The following NLGN1 variants were observed in gnomAD, a reference collection of about 807,000 sequenced individuals.
NLGN1 encodes the protein neuroligin 1.
In NLGN1, 12 loss-of-function variants were observed where a neutral mutation model predicts 65.5. That is an observed-to-expected ratio of 0.18 (90% confidence interval 0.12 to 0.30). The LOEUF is 0.30. Ranked by LOEUF, NLGN1 falls within the 10% of genes least tolerant of loss-of-function variation. The pLI, the probability that NLGN1 is intolerant of heterozygous loss-of-function variation, is 1.00. For synonymous variants in NLGN1, 350 were observed against 359.5 expected (o/e 0.97, Z 0.30); for missense variants, 750 against 1,007.1 (o/e 0.74, Z 3.46).
At chr3:173,549,998 G>A (rs115273213) in intron 2 of NLGN1, among the ~76,000 whole-genome samples, 301 of 152,124 alleles carry the variant, frequency 2.0e-3, no homozygotes, top group African/African-American at 7.1e-3. Context: ...AGATGACGAG[G>A]AGATTATGAG....
intron 4 of NLGN1, among the ~76,000 whole-genome samples, chr3:173,907,068 T>A (rs529190818): frequency 6.6e-6 from 1 of 152,154 alleles, no homozygotes; most frequent in South Asian, 2.1e-4. Flanking sequence ...GGCCTGGTAG[T>A]CATTTTAAAA....
rs1379738147 is a variant in NLGN1 at position 173,931,636 on chromosome 3, TAG to T, written c.646+123807_646+123808del. ...GAATGAGAGAAAGAGTGAGTAGAAA[TAG>T]AGTCAGAGAGTAGGAAGCCAAATTC... On this transcript the variant is annotated intron_variant, in intron 4 of 6. Coordinates refer to ENST00000457714, the Ensembl canonical transcript of NLGN1. 2.6e-5 allele frequency among the ~76,000 whole-genome samples: 4 copies of T among 152,002 alleles called. No individual in the cohort carries two copies. In the East Asian group the frequency reaches 7.8e-4, roughly 30 times the overall value.
chr3:173,803,652 C>A (rs1296110055), intron 3 of NLGN1, among the ~76,000 whole-genome samples: 1 of 149,840 alleles, frequency 6.7e-6, no homozygotes, highest in East Asian at 2.0e-4. Context: ...TAGTTCAAGA[C>A]AATTTTTTGT....
At chr3:174,060,230 T>C (rs547966096) in intron 4 of NLGN1, among the ~76,000 whole-genome samples, 18 of 152,188 alleles carry the variant, frequency 1.2e-4, no homozygotes, top group African/African-American at 4.3e-4. Flanking sequence ...AAGCAGTGAA[T>C]TGGAATGTTT....
chr3:173,860,615 G>T (rs1345745097), intron 4 of NLGN1, among the ~76,000 whole-genome samples: 2 of 152,168 alleles, frequency 1.3e-5, no homozygotes, highest in Non-Finnish European at 2.9e-5. Context: ...AAAGAGCGAA[G>T]AAATTGCCCT....
intron 4 of NLGN1, among the ~76,000 whole-genome samples, chr3:174,184,878 G>A (rs1204776449): frequency 6.6e-6 from 1 of 152,118 alleles, no homozygotes. Flanking sequence ...TTAAAAAGAT[G>A]TCCAAAGTAG....
chr3:173,848,128 A>G (rs1033598895), intron 4 of NLGN1, among the ~76,000 whole-genome samples: 7 of 152,044 alleles, frequency 4.6e-5, no homozygotes. Flanking sequence ...ATGTTACTTA[A>G]CCCCTGCTTC....
intron 3 of NLGN1, among the ~76,000 whole-genome samples, chr3:173,709,758 G>A (rs1408886733): frequency 7.8e-6 from 1 of 128,774 alleles, no homozygotes; most frequent in Admixed American, 9.3e-5. Context: ...AGCCGAGATT[G>A]TACCATTGAA....
chr3:173,536,230 A>T (rs890444723), intron 2 of NLGN1, among the ~76,000 whole-genome samples: 3 of 152,182 alleles, frequency 2.0e-5, no homozygotes, highest in African/African-American at 7.2e-5. Flanking sequence ...AGAGGTGATC[A>T]GGCATAACTC....
At chr3:173,727,275 G>A (rs886730240) in intron 3 of NLGN1, among the ~76,000 whole-genome samples, 2 of 152,074 alleles carry the variant, frequency 1.3e-5, no homozygotes, top group Admixed American at 6.6e-5. Flanking sequence ...TTAAATGACC[G>A]TTCCCAGAAA....
At chr3:173,763,281 C>T (rs1578315771) in intron 3 of NLGN1, among the ~76,000 whole-genome samples, 1 of 151,892 alleles carries the variant, frequency 6.6e-6, no homozygotes, top group East Asian at 1.9e-4. Flanking sequence ...TTTTTTTGTC[C>T]TAACCCCCAC....
intron 4 of NLGN1, among the ~76,000 whole-genome samples, chr3:173,981,936 T>C (rs1718873887): frequency 6.6e-6 from 1 of 152,118 alleles, no homozygotes; most frequent in Non-Finnish European, 1.5e-5. Flanking sequence ...AGTGAAATGA[T>C]TTTAACAGCT....
chr3:173,773,811 A>G (rs1047361546), intron 3 of NLGN1, among the ~76,000 whole-genome samples: 1 of 152,220 alleles, frequency 6.6e-6, no homozygotes, highest in Non-Finnish European at 1.5e-5. Context: ...AATGCTATGA[A>G]GTAAACAAAA....
chr3:173,996,696 AC>A (rs1303070021), intron 4 of NLGN1, among the ~76,000 whole-genome samples: 2 of 152,128 alleles, frequency 1.3e-5, no homozygotes, highest in African/African-American at 2.4e-5. Flanking sequence ...CATAATTTTT[AC>A]CTTTGTTCTG....
intron 3 of NLGN1, among the ~76,000 whole-genome samples, chr3:173,735,042 G>A (rs1773524988): frequency 6.6e-6 from 1 of 152,024 alleles, no homozygotes; most frequent in Admixed American, 6.6e-5. Flanking sequence ...TATAAATCCA[G>A]CTATGCAAAT....
chr3:173,860,489 C>G (rs1490604269), intron 4 of NLGN1, among the ~76,000 whole-genome samples: 1 of 152,014 alleles, frequency 6.6e-6, no homozygotes, highest in Non-Finnish European at 1.5e-5. Flanking sequence ...CTAATTACCT[C>G]TTTTGTTCTA....
At chr3:173,701,381 GA>G (rs2149882391) in intron 3 of NLGN1, among the ~76,000 whole-genome samples, 1 of 152,210 alleles carries the variant, frequency 6.6e-6, no homozygotes. Flanking sequence ...ATCAGAGAAG[GA>G]AATGTGATGA....
At chr3:173,933,789 A>G (rs2152292244) in intron 4 of NLGN1, among the ~76,000 whole-genome samples, 1 of 152,260 alleles carries the variant, frequency 6.6e-6, no homozygotes, top group Non-Finnish European at 1.5e-5. Flanking sequence ...TTTGTTCTGA[A>G]TAACATCAAG....
intron 4 of NLGN1, among the ~76,000 whole-genome samples, chr3:173,979,364 A>T (rs760199859): frequency 6.6e-6 from 1 of 152,164 alleles, no homozygotes; most frequent in Admixed American, 6.6e-5. Flanking sequence ...AATATTAAAG[A>T]TACATAAAAT....
Sources: allele counts gnomAD v4.1 joint callset (sites outside exome capture counted in the v4.1 genomes callset), GRCh38; gene constraint gnomAD v4.1.1; transcripts MANE v1.5; gene names NCBI Gene and HGNC (gene_info 2026-07-23, HGNC 2026-07-21).